The following RRH variants were observed in gnomAD, a reference collection of about 807,000 sequenced individuals.
The protein encoded by RRH is retinal pigment epithelium-derived rhodopsin homolog.
In RRH, 36 loss-of-function variants were observed where a neutral mutation model predicts 33.1. The ratio of observed to expected loss-of-function variants is 1.09; its 90% confidence interval spans 0.83 to 1.44. The LOEUF is 1.44. Ranked by LOEUF, RRH falls within the 40% of genes most tolerant of loss-of-function variation. The probability of loss-of-function intolerance (pLI) is 0.00; values close to 1 mark genes in which losing one functional copy is unlikely to be tolerated. For synonymous variants in RRH, 124 were observed against 140.2 expected, an observed-to-expected ratio of 0.88 and a Z score of 0.82; for missense variants, 393 against 420.2, an observed-to-expected ratio of 0.94 and a Z score of 0.57.
rs748168588 is a variant in RRH, at chr4:109,836,133, G to GT, written c.525dup (p.Thr176TyrfsTer8). The GT allele has an allele frequency of 7.4e-6, 12 of 1,614,024 alleles. No homozygotes were observed. The highest frequency in any genetic ancestry group is 1.0e-5 in the Non-Finnish European group (12 of 1,180,016). ...GCCCCAGATCCTACTGGTGCTACGT[G>GT]TACCATAAACTGGAGGAAAAATGAT... On this transcript the variant is annotated frameshift_variant, in exon 4 of 7. Transcript: ENST00000317735. LOFTEE classifies it high-confidence loss of function.
At chr4:109,841,567 C>A (rs1275520522) in intron 5 of RRH, among the ~76,000 whole-genome samples, 3 of 152,042 alleles carry the variant, frequency 2.0e-5, no homozygotes, top group Non-Finnish European at 2.9e-5. Flanking sequence ...CATGTGCACC[C>A]CCACATCTAG....
At chr4:109,834,934 A>G (rs1249098331) in intron 2 of RRH, among the ~76,000 whole-genome samples, 2 of 152,082 alleles carry the variant, frequency 1.3e-5, no homozygotes, top group African/African-American at 4.8e-5. Context: ...ATTTCTTTGA[A>G]TATTTATTGT....
chr4:109,829,932 T>A (rs1337899308), intron 1 of RRH, among the ~76,000 whole-genome samples: 1 of 152,216 alleles, frequency 6.6e-6, no homozygotes, highest in Non-Finnish European at 1.5e-5. Context: ...ACTTTCCTCC[T>A]TTAACAAAAC....
intron 5 of RRH, among the ~76,000 whole-genome samples, chr4:109,838,523 G>A (rs1223610789): frequency 6.7e-6 from 1 of 150,052 alleles, no homozygotes; most frequent in Non-Finnish European, 1.5e-5. Context: ...TTTTTTCTTA[G>A]TTTATTTCCT....
At chr4:109,840,958 C>A (rs1434728301) in intron 5 of RRH, among the ~76,000 whole-genome samples, 1 of 152,048 alleles carries the variant, frequency 6.6e-6, no homozygotes, top group Non-Finnish European at 1.5e-5. Context: ...TTTGCTCTCA[C>A]TGTGATTATC....
chr4:109,832,495 A>AGTGTGTGTAT (rs1733776842), intron 1 of RRH, among the ~76,000 whole-genome samples: 1 of 135,180 alleles, frequency 7.4e-6, no homozygotes, highest in African/African-American at 3.0e-5. Context: ...CTATTGGGGT[A>AGTGTGTGTAT]GTGTGTGTGT....
chr4:109,831,292 T>C (rs982655352), intron 1 of RRH, among the ~76,000 whole-genome samples: 4 of 152,126 alleles, frequency 2.6e-5, no homozygotes, highest in African/African-American at 4.8e-5. Context: ...ATGCTAAAAA[T>C]AGGGCCAAAG....
intron 3 of RRH, among the ~76,000 whole-genome samples, 170 bp from the exon 4 acceptor site, chr4:109,835,837 G>A (rs969329645): frequency 4.6e-5 from 7 of 152,040 alleles, no homozygotes. Context: ...TAGTAAAAGG[G>A]AGAATATTTG....
intron 5 of RRH, among the ~76,000 whole-genome samples, chr4:109,841,273 C>T (rs1733976464): frequency 6.6e-6 from 1 of 152,006 alleles, no homozygotes; most frequent in African/African-American, 2.4e-5. Flanking sequence ...TTTCATGTTC[C>T]TGGGTGGGAG....
At chr4:109,834,066 C>G (rs957694557) in intron 2 of RRH, among the ~76,000 whole-genome samples, 7 of 152,118 alleles carry the variant, frequency 4.6e-5, no homozygotes. Flanking sequence ...GAATGTTTTT[C>G]TCTCTAATAT....
chr4:109,831,101 T>A (rs1161536867), intron 1 of RRH, among the ~76,000 whole-genome samples: 1 of 152,178 alleles, frequency 6.6e-6, no homozygotes, highest in African/African-American at 2.4e-5. Flanking sequence ...ATAACCCCCA[T>A]TATTTCTAAG....
intron 1 of RRH, among the ~76,000 whole-genome samples, chr4:109,832,682 A>G (rs556527610): frequency 1.3e-5 from 2 of 152,196 alleles, no homozygotes; most frequent in South Asian, 4.2e-4. Flanking sequence ...GAAAATAGTG[A>G]CAAAAGTGCT....
At position 109,833,144 on chromosome 4, in the gene RRH, A is replaced by G. The variant is rs1733793368; in HGVS notation, c.112A>G (p.Ile38Val). ...VATYLIMAGMISIISNIIVLG... is the reference protein window; with the variant it reads ...VATYLIMAGMVSIISNIIVLG... ...ATTTTTGTGTGTGTTCTCAGGTATG[A>G]TAAGTATTATCAGCAACATAATAGT... The change falls in exon 2 of 7, where the codon ATA becomes GTA. Residue 38 changes from isoleucine to valine, a missense_variant. Transcript: ENST00000317735. The G allele has an allele frequency of 6.2e-7, 1 of 1,612,484 alleles. No individual in the cohort carries two copies. The highest frequency in any genetic ancestry group is 8.5e-7 in the Non-Finnish European group (1 of 1,178,622).
chr4:109,837,360 A>C, intron 4 of RRH, 77 bp from the exon 5 acceptor site: 1 of 1,233,494 alleles, frequency 8.1e-7, no homozygotes, highest in Non-Finnish European at 1.2e-6. Flanking sequence ...TATTGTTTTT[A>C]ATAATTATCT....
At position 109,842,862 on chromosome 4, in the gene RRH, C is replaced by A. The variant is rs190157748; in HGVS notation, c.899+215C>A. 2.7e-3 allele frequency among the ~76,000 whole-genome samples: 412 copies of A among 152,240 alleles called. 1 individual carries two copies. The highest frequency in any genetic ancestry group is 4.2e-3 in the Non-Finnish European group (286 of 68,010). On this transcript the variant is annotated intron_variant, in intron 6 of 6. Transcript: ENST00000317735. ...CAGTGGCAGAGATGATTGTGGGCAA[C>A]CCCAGACCCAAGTTCTACCAGCTAA...
In RRH at chr4:109,839,561, G is replaced by A. The variant is rs182319412; in HGVS notation, c.720+1956G>A. 1.7e-3 allele frequency among the ~76,000 whole-genome samples: 264 copies of A among 152,116 alleles called. 2 individuals carry two copies. The South Asian group carries it at 0.021, about 12-fold the overall frequency. On this transcript the variant is annotated intron_variant, in intron 5 of 6. Coordinates refer to ENST00000317735, the MANE Select transcript of RRH (RefSeq NM_006583.5). ...GTGGTTTGCTGCACAGACTATCCAG[G>A]TATTAAGCCCAGCATCCATTAGCTG... is the stretch of plus-strand genomic sequence containing the variant.
rs905834134 is a variant in RRH at position 109,836,571 on chromosome 4, C to T, written c.551+411C>T. On this transcript the variant is annotated intron_variant, in intron 4 of 6. Coordinates refer to ENST00000317735, the MANE Select transcript of RRH (RefSeq NM_006583.5). ...TGTCTTTTCAAGATGGTCTGGTGTT[C>T]CAGCACATTCTGAGAACTGCGTAGC... 4.6e-5 allele frequency among the ~76,000 whole-genome samples: 7 copies of T among 152,312 alleles called. No individual in the cohort carries two copies. In the South Asian group the frequency reaches 1.2e-3, roughly 27 times the overall value.
At position 109,842,579 on chromosome 4, in the gene RRH, C is replaced by T; in HGVS notation, c.831C>T (p.Ile277=). 4 of 1,614,084 alleles carry T rather than the reference C, an allele frequency of 2.5e-6. No homozygotes were observed. Among genetic ancestry groups the T allele is most frequent in the African/African-American group, 1.3e-5 (1 of 75,044 alleles). ...DPKKIPPPMA[I]IAPLFAKSST... is the part of the protein sequence containing the mutation. Reference sequence around the variant, plus strand: ...AGAAGATTCCTCCCCCCATGGCCATCATAGCTCCACTGTTTGCAAAATCTT... The same window carrying T: ...AGAAGATTCCTCCCCCCATGGCCATTATAGCTCCACTGTTTGCAAAATCTT... Residue 277 remains isoleucine, a synonymous_variant, in exon 6 of 7, where the codon ATC becomes ATT. Transcript: ENST00000317735.
intron 1 of RRH, among the ~76,000 whole-genome samples, chr4:109,832,034 G>T (rs1342221504): frequency 1.3e-5 from 2 of 151,730 alleles, no homozygotes; most frequent in African/African-American, 4.8e-5. Flanking sequence ...AATAGTTGGG[G>T]ATTGATCACC....
Sources: gnomAD v4.1 joint callset for allele counts (sites outside exome capture counted in the v4.1 genomes callset) on GRCh38, gnomAD v4.1.1 for gene constraint, MANE v1.5 for transcripts, NCBI Gene and HGNC (gene_info 2026-07-23, HGNC 2026-07-21) for gene names.